The following REC114 variants were observed in gnomAD, a reference collection of about 807,000 sequenced individuals.
The protein encoded by REC114 is REC114 meiotic recombination protein, also known as meiotic recombination protein REC114.
A neutral mutation model predicts 31.3 loss-of-function variants in REC114; 27 were observed. The ratio of observed to expected loss-of-function variants is 0.86; its 90% CI spans 0.64 to 1.19. The LOEUF (loss-of-function observed/expected upper bound fraction) is 1.19, where lower values mean the gene tolerates loss of function less well. REC114 is among the 50% of genes most tolerant of loss of function. The probability of loss-of-function intolerance (pLI) is 0.00; values close to 1 mark genes in which losing one functional copy is unlikely to be tolerated. For synonymous variants in REC114, 134 were observed against 127.7 expected, an observed-to-expected ratio of 1.05 and a Z score of -0.33; for missense variants, 344 against 326.9, an observed-to-expected ratio of 1.05 and a Z score of -0.40.
intron 2 of REC114, among the ~76,000 whole-genome samples, chr15:73,515,613 G>T (rs955653040): frequency 6.6e-6 from 1 of 152,098 alleles, no homozygotes; most frequent in Non-Finnish European, 1.5e-5. Flanking sequence ...GATGAGATTA[G>T]TGCTTTTATA....
At chr15:73,474,320 G>A (rs543309286) in intron 2 of REC114, among the ~76,000 whole-genome samples, 18 of 152,212 alleles carry the variant, frequency 1.2e-4, no homozygotes, top group African/African-American at 3.4e-4. Flanking sequence ...AATTGATAGC[G>A]TCCTCTATAA....
In REC114 at chr15:73,490,472, G is replaced by A. The variant is rs946582414; in HGVS notation, c.249+16551G>A. On this transcript the variant is annotated intron_variant, in intron 2 of 5. Coordinates refer to ENST00000331090, the MANE Select transcript of REC114 (RefSeq NM_001042367.2). ...GCCTGTAATACCAGTGCTTTGGGAG[G>A]GTGAGACAGGAGGGTCTCTTGAGCC... is the stretch of plus-strand genomic sequence containing the variant. 3.9e-5 allele frequency among the ~76,000 whole-genome samples: 6 copies of A among 152,168 alleles called. 1 individual carries two copies. The highest frequency in any genetic ancestry group is 3.9e-4 in the Admixed American group (6 of 15,284).
chr15:73,492,091 A>T (rs1422880226), intron 2 of REC114, among the ~76,000 whole-genome samples: 1 of 152,074 alleles, frequency 6.6e-6, no homozygotes, highest in Non-Finnish European at 1.5e-5. Flanking sequence ...CACATTTTTT[A>T]TATGCTTATT....
chr15:73,486,496 T>G (rs894156270), intron 2 of REC114, among the ~76,000 whole-genome samples: 1 of 152,196 alleles, frequency 6.6e-6, no homozygotes, highest in African/African-American at 2.4e-5. Context: ...CTTTCCCTCT[T>G]TTACCCATTG....
At position 73,443,431 on chromosome 15, in the gene REC114, A is replaced by T. The variant is rs943033859; in HGVS notation, c.159+87A>T. On this transcript the variant is annotated intron_variant, in intron 1 of 5. Coordinates refer to ENST00000331090, the MANE Select transcript of REC114 (RefSeq NM_001042367.2). Reference sequence around the variant, plus strand: ...CGAATACACTGGGCCAGTGCCCCGAAAGCAATGCCGAGGGGACACCGAGTG... The same window carrying T: ...CGAATACACTGGGCCAGTGCCCCGATAGCAATGCCGAGGGGACACCGAGTG... 2.9e-5 allele frequency: 41 copies of T among 1,410,984 alleles called. No individual in the cohort carries two copies. The Admixed American group carries it at 8.6e-4, about 30-fold the overall frequency. 87.4% of individuals were successfully genotyped at this position (1,410,984 alleles called of 1,614,324 possible). A position where few individuals can be genotyped will look rare whatever the true frequency, so the allele number is the denominator to read the frequency against.
At chr15:73,513,719 G>C (rs1474052015) in intron 2 of REC114, among the ~76,000 whole-genome samples, 26 of 151,894 alleles carry the variant, frequency 1.7e-4, no homozygotes, top group Non-Finnish European at 3.1e-4. Context: ...AGGTGTCAGT[G>C]TGCCCCTGCT....
chr15:73,505,116 A>G (rs540970700), intron 2 of REC114, among the ~76,000 whole-genome samples: 20 of 151,856 alleles, frequency 1.3e-4, no homozygotes, highest in African/African-American at 4.8e-4. Context: ...AGCTCTTACT[A>G]TGTCTTATTT....
intron 2 of REC114, among the ~76,000 whole-genome samples, chr15:73,512,249 A>C: frequency 2.5e-5 from 2 of 79,036 alleles, no homozygotes; most frequent in African/African-American, 8.3e-5. Flanking sequence ...CTGTTTTATC[A>C]GAGACTAGGA....
At chr15:73,553,103 C>A (rs1436865888) in intron 4 of REC114, among the ~76,000 whole-genome samples, 4 of 152,196 alleles carry the variant, frequency 2.6e-5, no homozygotes, top group African/African-American at 9.7e-5. Context: ...GCATGAGCCA[C>A]CGCACCCAGC....
chr15:73,478,694 T>G (rs1038178597), intron 2 of REC114, among the ~76,000 whole-genome samples: 1 of 152,228 alleles, frequency 6.6e-6, no homozygotes, highest in Non-Finnish European at 1.5e-5. Context: ...ATCTTCTAAG[T>G]AGTGAGCATA....
At chr15:73,483,139 G>C (rs1373301888) in intron 2 of REC114, 2 of 152,024 alleles carry the variant, frequency 1.3e-5, no homozygotes, top group Non-Finnish European at 2.9e-5. Flanking sequence ...GCCCATTTTT[G>C]TATCTTGTTT....
intron 2 of REC114, among the ~76,000 whole-genome samples, chr15:73,519,605 G>A (rs922692811): frequency 1.3e-5 from 2 of 152,196 alleles, no homozygotes; most frequent in African/African-American, 2.4e-5. Flanking sequence ...ACTACTATCT[G>A]ATTCAGCAAT....
In REC114 at chr15:73,559,861, C is replaced by CATTTGTGGAAGAGGTAGA; in HGVS notation, c.748_765dup (p.Phe250_Glu255dup). 1 of 1,612,928 alleles carries CATTTGTGGAAGAGGTAGA rather than the reference C, an allele frequency of 6.2e-7. No individual in the cohort carries two copies. Among genetic ancestry groups the CATTTGTGGAAGAGGTAGA allele is most frequent in the Non-Finnish European group, 8.5e-7 (1 of 1,179,554 alleles). On this transcript the variant is annotated inframe_insertion, in exon 6 of 6. Coordinates refer to ENST00000331090, the MANE Select transcript of REC114 (RefSeq NM_001042367.2). ...TGCCTTATGGATCAGAATTTCCCAG[C>CATTTGTGGAAGAGGTAGA]ATTTGTGGAAGAGGTAGAAAAGGAA...
intron 1 of REC114, among the ~76,000 whole-genome samples, chr15:73,473,155 T>G (rs1266222501): frequency 2.0e-5 from 3 of 152,010 alleles, no homozygotes; most frequent in Admixed American, 2.0e-4. Context: ...TTTGGGAGGC[T>G]GAGGTGGGCA....
intron 1 of REC114, among the ~76,000 whole-genome samples, chr15:73,456,643 G>C (rs1595859900): frequency 1.3e-5 from 2 of 152,022 alleles, no homozygotes; most frequent in Non-Finnish European, 2.9e-5. Context: ...TTTATCATTT[G>C]CTTTGGTGTA....
chr15:73,543,594 G>C (rs1352356047), intron 3 of REC114, among the ~76,000 whole-genome samples: 1 of 152,148 alleles, frequency 6.6e-6, no homozygotes, highest in East Asian at 1.9e-4. Flanking sequence ...CTCCCAAAGT[G>C]CTGGGATTAC....
At chr15:73,490,989 G>A (rs575167723) in intron 2 of REC114, among the ~76,000 whole-genome samples, 14 of 152,134 alleles carry the variant, frequency 9.2e-5, no homozygotes, top group African/African-American at 3.1e-4. Context: ...ATGTTTTTGA[G>A]CCTTATCCGC....
intron 2 of REC114, among the ~76,000 whole-genome samples, chr15:73,513,640 T>A (rs1390547907): frequency 2.0e-5 from 3 of 152,158 alleles, no homozygotes; most frequent in African/African-American, 7.2e-5. Flanking sequence ...ATGTCCTTTC[T>A]GTTTGTTAGT....
At chr15:73,445,727 C>A (rs1036553974) in intron 1 of REC114, among the ~76,000 whole-genome samples, 11 of 152,036 alleles carry the variant, frequency 7.2e-5, no homozygotes, top group Admixed American at 6.6e-4. Flanking sequence ...GTGGATGGAG[C>A]AGTTGGAATA....
Sources: gnomAD v4.1 joint callset for allele counts (sites outside exome capture counted in the v4.1 genomes callset) on GRCh38, gnomAD v4.1.1 for gene constraint, MANE v1.5 for transcripts, NCBI Gene and HGNC (gene_info 2026-07-23, HGNC 2026-07-21) for gene names.